The following TRHDE variants were observed in gnomAD, a reference collection of about 807,000 sequenced individuals.
The protein encoded by TRHDE is thyrotropin-releasing hormone-degrading ectoenzyme.
In TRHDE, 72 loss-of-function variants were observed where a neutral mutation model predicts 125.7. The observed-to-expected ratio is 0.57, with a 90% CI of 0.47 to 0.70. The LOEUF (loss-of-function observed/expected upper bound fraction) is 0.70, where lower values mean the gene tolerates loss of function less well. TRHDE is among the 30% of genes least tolerant of loss of function. TRHDE has a pLI of 0.00. For missense variants in TRHDE, 1,110 were observed against 1,327.1 expected (o/e 0.84, Z 2.54); for synonymous variants, 509 against 509.1 (o/e 1.00, Z 0.00).
intron 3 of TRHDE, among the ~76,000 whole-genome samples, chr12:72,403,472 C>T (rs547363754): frequency 1.2e-4 from 19 of 152,276 alleles, no homozygotes; most frequent in African/African-American, 4.6e-4. Context: ...TCACAGCAAC[C>T]TGGTGAAACA....
chr12:72,431,726 T>C (rs1874491793), intron 3 of TRHDE: 1 of 152,330 alleles, frequency 6.6e-6, no homozygotes, highest in Non-Finnish European at 1.5e-5. Flanking sequence ...ATTATCTGTT[T>C]ATTGGCATAC....
At chr12:72,323,096 C>T (rs1226169745) in intron 2 of TRHDE, among the ~76,000 whole-genome samples, 4 of 151,912 alleles carry the variant, frequency 2.6e-5, no homozygotes, top group Admixed American at 2.0e-4. Flanking sequence ...CATGTGGTTC[C>T]CTGTGATCTT....
chr12:72,581,381 CA>C (rs1217907481), intron 12 of TRHDE, among the ~76,000 whole-genome samples: 2 of 152,034 alleles, frequency 1.3e-5, no homozygotes, highest in Non-Finnish European at 2.9e-5. Flanking sequence ...TGAAAATATC[CA>C]AAATACATGA....
At chr12:72,354,678 T>C (rs559015225) in intron 2 of TRHDE, among the ~76,000 whole-genome samples, 1 of 148,748 alleles carries the variant, frequency 6.7e-6, no homozygotes, top group East Asian at 2.0e-4. Flanking sequence ...TAAATAATTT[T>C]AAAATATATA....
rs141132046 is a variant in TRHDE, at chr12:72,175,872, C to G, written n.279+70120C>G. On this transcript the variant is annotated intron_variant and non_coding_transcript_variant, in intron 2 of 4. Coordinates refer to the TRHDE transcript ENST00000548156. ...GTCTGATTGTGAAGAAGGATCAACTCTGATCATATATTGCAGGCTGGGATC... is the reference window on the plus strand; with the variant it reads ...GTCTGATTGTGAAGAAGGATCAACTGTGATCATATATTGCAGGCTGGGATC... Among the ~76,000 whole-genome samples, 104 of 152,314 alleles carry G rather than the reference C, an allele frequency of 6.8e-4. 1 individual carries two copies. The East Asian group carries it at 0.016, about 24-fold the overall frequency.
chr12:72,623,439 A>G (rs918905839), intron 15 of TRHDE, among the ~76,000 whole-genome samples: 4 of 152,072 alleles, frequency 2.6e-5, no homozygotes, highest in African/African-American at 9.7e-5. Flanking sequence ...CAAGCCTAAT[A>G]TCACTGTCTA....
At chr12:72,245,878 A>G (rs1474544706) in intron 2 of TRHDE, among the ~76,000 whole-genome samples, 1 of 152,100 alleles carries the variant, frequency 6.6e-6, no homozygotes, top group Non-Finnish European at 1.5e-5. Context: ...ATACACCTAT[A>G]TTTAGTCAAG....
intron 5 of TRHDE, among the ~76,000 whole-genome samples, chr12:72,496,319 A>G (rs1187388835): frequency 6.6e-6 from 1 of 152,162 alleles, no homozygotes; most frequent in Non-Finnish European, 1.5e-5. Context: ...CATATGTGAG[A>G]CTGGGTAATT....
chr12:72,104,319 G>A (rs1366401396), intron 1 of TRHDE, among the ~76,000 whole-genome samples: 1 of 152,156 alleles, frequency 6.6e-6, no homozygotes, highest in Non-Finnish European at 1.5e-5. Context: ...GCAGAGGAGA[G>A]AAGATGCATG....
intron 2 of TRHDE, among the ~76,000 whole-genome samples, chr12:72,190,831 G>T (rs1442379661): frequency 6.6e-6 from 1 of 152,130 alleles, no homozygotes; most frequent in East Asian, 1.9e-4. Flanking sequence ...GATGGATCAG[G>T]CTATTGCCCT....
At chr12:72,280,470 C>T (rs1329447614) in intron 1 of TRHDE, among the ~76,000 whole-genome samples, 1 of 152,020 alleles carries the variant, frequency 6.6e-6, no homozygotes, top group Non-Finnish European at 1.5e-5. Flanking sequence ...CCTTTGGCTG[C>T]TGTTTGTTTT....
chr12:72,448,423 C>T (rs1466572618), intron 3 of TRHDE, among the ~76,000 whole-genome samples: 3 of 152,022 alleles, frequency 2.0e-5, no homozygotes, highest in Non-Finnish European at 4.4e-5. Context: ...AACTGAAAAA[C>T]ATACTATGTA....
chr12:72,351,694 G>A (rs1870589848), intron 2 of TRHDE, among the ~76,000 whole-genome samples: 1 of 151,818 alleles, frequency 6.6e-6, no homozygotes, highest in Non-Finnish European at 1.5e-5. Context: ...CATTCTTAGT[G>A]TCTTTCCAAT....
intron 18 of TRHDE, among the ~76,000 whole-genome samples, chr12:72,662,793 A>C (rs945701453): frequency 6.6e-6 from 1 of 151,718 alleles, no homozygotes; most frequent in Non-Finnish European, 1.5e-5. Context: ...CTGAATTTGG[A>C]GCTATTTAAG....
chr12:72,223,831 C>T (rs1165297065), intron 2 of TRHDE, among the ~76,000 whole-genome samples: 6 of 151,992 alleles, frequency 3.9e-5, no homozygotes, highest in Admixed American at 6.6e-5. Context: ...GATTCTATCT[C>T]GCATCCAGCT....
At position 72,563,051 on chromosome 12, in the gene TRHDE, C is replaced by CT; in HGVS notation, c.2042+17dup. On this transcript the variant is annotated intron_variant, in intron 9 of 18. Coordinates refer to ENST00000261180, the MANE Select transcript of TRHDE (RefSeq NM_013381.3). ...ACTTCAGAATAACAGGTATGACATT[C>CT]TTTTTTACGTGAAAAATATTGTTTT... 2.6e-6 allele frequency: 4 copies of CT among 1,534,334 alleles called. No homozygotes were observed. The highest frequency in any genetic ancestry group is 2.1e-5 in the Admixed American group (1 of 46,744).
intron 3 of TRHDE, among the ~76,000 whole-genome samples, chr12:72,384,971 T>C (rs1406059274): frequency 6.6e-6 from 1 of 152,092 alleles, no homozygotes; most frequent in Non-Finnish European, 1.5e-5. Context: ...GTTTTTAATT[T>C]GAGGTGACAC....
chr12:72,285,597 T>C (rs1879853598), intron 1 of TRHDE, among the ~76,000 whole-genome samples: 2 of 149,090 alleles, frequency 1.3e-5, no homozygotes, highest in Admixed American at 6.9e-5. Context: ...CTTGGTTCAC[T>C]GCAACCTCTG....
intron 6 of TRHDE, among the ~76,000 whole-genome samples, chr12:72,532,939 T>C (rs1326959077): frequency 1.3e-5 from 2 of 149,676 alleles, no homozygotes; most frequent in South Asian, 4.2e-4. Context: ...TTGTCCAGTT[T>C]GCATATCAGT....
Sources: gnomAD v4.1 joint callset for allele counts (sites outside exome capture counted in the v4.1 genomes callset) on GRCh38, gnomAD v4.1.1 for gene constraint, MANE v1.5 for transcripts, NCBI Gene and HGNC (gene_info 2026-07-23, HGNC 2026-07-21) for gene names.